The following OSBPL8 variants were observed in gnomAD, a reference collection of about 807,000 sequenced individuals.
OSBPL8 encodes the protein oxysterol-binding protein-related protein 8.
A neutral mutation model predicts 125.5 loss-of-function variants in OSBPL8; 59 were observed. The observed-to-expected ratio is 0.47, with a 90% CI of 0.38 to 0.58. The LOEUF is 0.58. OSBPL8 is among the 20% of genes least tolerant of loss of function. OSBPL8 has a pLI of 0.00. For missense variants in OSBPL8, 758 were observed against 1,047.8 expected (o/e 0.72, Z 3.82); for synonymous variants, 330 against 338.9 (o/e 0.97, Z 0.29).
chr12:76,445,762 G>A (rs1019386997), intron 4 of OSBPL8, among the ~76,000 whole-genome samples: 17 of 152,092 alleles, frequency 1.1e-4, no homozygotes, highest in Non-Finnish European at 1.6e-4. Context: ...ATGTAAGAAC[G>A]GTCCAACTAC....
At chr12:76,456,697 C>A (rs777974444) in intron 3 of OSBPL8, among the ~76,000 whole-genome samples, 4 of 151,822 alleles carry the variant, frequency 2.6e-5, no homozygotes, top group Non-Finnish European at 4.4e-5. Flanking sequence ...ATACATAATA[C>A]GAAGAGTCAA....
chr12:76,446,301 T>C (rs1872716182), intron 4 of OSBPL8, among the ~76,000 whole-genome samples: 2 of 152,166 alleles, frequency 1.3e-5, no homozygotes, highest in Admixed American at 6.6e-5. Context: ...GCAGTTAATC[T>C]TCACCATGAC....
intron 1 of OSBPL8, among the ~76,000 whole-genome samples, chr12:76,491,606 T>C (rs1044394511): frequency 4.6e-5 from 7 of 152,228 alleles, no homozygotes; most frequent in African/African-American, 1.7e-4. Context: ...TATTATAATA[T>C]ATGGTAATTA....
At chr12:76,376,626 TA>T (rs1952828314) in intron 16 of OSBPL8, among the ~76,000 whole-genome samples, 1 of 152,194 alleles carries the variant, frequency 6.6e-6, no homozygotes, top group Non-Finnish European at 1.5e-5. Context: ...ATAGAAAATT[TA>T]AAAATATGTG....
At chr12:76,503,729 G>C (rs949034054) in intron 1 of OSBPL8, among the ~76,000 whole-genome samples, 2 of 151,840 alleles carry the variant, frequency 1.3e-5, no homozygotes, top group South Asian at 2.1e-4. Flanking sequence ...ATTTTTAGTA[G>C]AGACTGGGTT....
At chr12:76,409,353 T>C (rs1954413910) in intron 5 of OSBPL8, among the ~76,000 whole-genome samples, 1 of 152,202 alleles carries the variant, frequency 6.6e-6, no homozygotes, top group East Asian at 1.9e-4. Context: ...TTCCCCTCAG[T>C]GTATTAGCAT....
intron 1 of OSBPL8, among the ~76,000 whole-genome samples, chr12:76,500,717 C>T (rs1359904396): frequency 1.3e-5 from 2 of 152,010 alleles, no homozygotes; most frequent in African/African-American, 4.8e-5. Flanking sequence ...GATTTTCCTT[C>T]TTTTTTCTTT....
chr12:76,495,547 T>C (rs1251485690), intron 1 of OSBPL8, among the ~76,000 whole-genome samples: 1 of 152,122 alleles, frequency 6.6e-6, no homozygotes, highest in Non-Finnish European at 1.5e-5. Flanking sequence ...TACAGAACTA[T>C]AACCAAACAA....
At chr12:76,523,172 T>G (rs1415979549) in intron 1 of OSBPL8, among the ~76,000 whole-genome samples, 1 of 152,216 alleles carries the variant, frequency 6.6e-6, no homozygotes, top group Non-Finnish European at 1.5e-5. Context: ...AAGAAATTGT[T>G]ATTTCTACTG....
At chr12:76,421,555 GA>G (rs753057586) in intron 4 of OSBPL8, among the ~76,000 whole-genome samples, 1 of 151,968 alleles carries the variant, frequency 6.6e-6, no homozygotes, top group African/African-American at 2.4e-5. Context: ...TTATCAACAT[GA>G]ATATTCAGAA....
At position 76,359,469 on chromosome 12, in the gene OSBPL8, T is replaced by C. The variant is rs199700525; in HGVS notation, c.2329-658A>G. On this transcript the variant is annotated intron_variant, in intron 21 of 23. Coordinates refer to ENST00000261183, the MANE Select transcript of OSBPL8 (RefSeq NM_020841.5). ...CTAAATTTTCCTTAGAATAATAACT[T>C]TGGACTCTATCCTATTAATAGATTT... 5.9e-5 allele frequency among the ~76,000 whole-genome samples: 9 copies of C among 152,326 alleles called. No individual in the cohort carries two copies. In the East Asian group the frequency reaches 1.5e-3, roughly 26 times the overall value.
chr12:76,461,783 T>C (rs559018975), intron 2 of OSBPL8, among the ~76,000 whole-genome samples: 94 of 152,250 alleles, frequency 6.2e-4, no homozygotes, highest in Admixed American at 2.2e-3. Context: ...ATCCCCACTA[T>C]CCTGACTGCA....
chr12:76,435,006 T>C (rs1871275088), intron 4 of OSBPL8, among the ~76,000 whole-genome samples: 1 of 152,164 alleles, frequency 6.6e-6, no homozygotes, highest in Non-Finnish European at 1.5e-5. Flanking sequence ...CTTCAGAGTA[T>C]ATATCCAAAG....
intron 2 of OSBPL8, among the ~76,000 whole-genome samples, chr12:76,460,629 C>G (rs1246242006): frequency 2.6e-5 from 4 of 152,084 alleles, no homozygotes; most frequent in Non-Finnish European, 5.9e-5. Context: ...AAGACCCAAC[C>G]CTTGAATGAA....
At chr12:76,495,263 G>A (rs1176872475) in intron 1 of OSBPL8, among the ~76,000 whole-genome samples, 1 of 152,126 alleles carries the variant, frequency 6.6e-6, no homozygotes, top group Non-Finnish European at 1.5e-5. Flanking sequence ...TATGTTATAT[G>A]CAAAAGACAT....
intron 1 of OSBPL8, among the ~76,000 whole-genome samples, chr12:76,523,248 C>G (rs1341999049): frequency 1.3e-5 from 2 of 152,006 alleles, no homozygotes; most frequent in Non-Finnish European, 2.9e-5. Flanking sequence ...TAGAGGAAAA[C>G]AAAATTTAAA....
At chr12:76,428,329 G>T (rs1223877060) in intron 4 of OSBPL8, among the ~76,000 whole-genome samples, 6 of 151,930 alleles carry the variant, frequency 3.9e-5, no homozygotes, top group Non-Finnish European at 8.8e-5. Flanking sequence ...GACTGGGGAA[G>T]ATAGCTCATT....
Position 76,373,421 on chromosome 12 carries a change from T to C in OSBPL8, c.1840A>G (p.Ser614Gly). The C allele has an allele frequency of 6.2e-7, 1 of 1,602,012 alleles. No homozygotes were observed. Among genetic ancestry groups the C allele is most frequent in the African/African-American group, 1.3e-5 (1 of 74,650 alleles). ...GATATTTGATTAACACAGTCACTAC[T>C]CCCTAGGAATGGCTTTTAAACGAGA... is the stretch of plus-strand genomic sequence containing the variant. ...LEFKLKPFLGSSDCVNQISGK... is the reference protein window; with the variant it reads ...LEFKLKPFLGGSDCVNQISGK... The change falls in exon 18 of 24, where the codon AGT (serine) becomes GGT (glycine). Residue 614 changes from serine to glycine, a missense_variant. Around this residue, in one of 3 missense-constraint regions of OSBPL8, gnomAD observed 572 missense variants for 762.0 expected, o/e 0.75. Coordinates refer to ENST00000261183, the MANE Select transcript of OSBPL8 (RefSeq NM_020841.5).
Position 76,355,740 on chromosome 12 carries a change from G to C in OSBPL8, c.*149C>G. 1 of 754,148 alleles carries C rather than the reference G, an allele frequency of 1.3e-6. No individual in the cohort carries two copies. Among genetic ancestry groups the C allele is most frequent in the Non-Finnish European group, 2.0e-6 (1 of 489,066 alleles). 46.7% of individuals were successfully genotyped at this position (754,148 alleles called of 1,614,324 possible). A position where few individuals can be genotyped will look rare whatever the true frequency, so the allele number is the denominator to read the frequency against. ...CTCTTGTTTCAGTGTGAAGATAAAA[G>C]ATACGAAAAGTCAATACCTCTACAT... On this transcript the variant is annotated 3_prime_UTR_variant, in exon 24 of 24. Transcript: ENST00000261183.
Sources: allele counts gnomAD v4.1 joint callset (sites outside exome capture counted in the v4.1 genomes callset), GRCh38; gene constraint gnomAD v4.1.1; regional missense constraint gnomAD v4.1.1; transcripts MANE v1.5; gene names NCBI Gene and HGNC (gene_info 2026-07-23, HGNC 2026-07-21).